The following FHIT variants were observed in gnomAD, a reference collection of about 807,000 sequenced individuals.
FHIT encodes fragile histidine triad diadenosine triphosphatase.
Under a neutral mutation model 17.9 loss-of-function variants are expected in FHIT, and 19 were observed. That is an observed-to-expected ratio of 1.06 (90% CI 0.74 to 1.56). The LOEUF (loss-of-function observed/expected upper bound fraction) is 1.56, where lower values mean the gene tolerates loss of function less well. FHIT is among the 40% of genes most tolerant of loss of function. The pLI is 0.00. For missense variants in FHIT, 248 were observed against 189.2 expected (o/e 1.31, Z -1.82); for synonymous variants, 81 against 69.7 (o/e 1.16, Z -0.81).
At chr3:61,037,407 T>C (rs2033311030) in intron 3 of FHIT, among the ~76,000 whole-genome samples, 1 of 152,182 alleles carries the variant, frequency 6.6e-6, no homozygotes, top group Non-Finnish European at 1.5e-5. Context: ...GCCTGGCACA[T>C]ATACCACTGG....
intron 5 of FHIT, among the ~76,000 whole-genome samples, chr3:60,356,476 T>A (rs1030018028): frequency 1.3e-5 from 2 of 152,162 alleles, no homozygotes; most frequent in Non-Finnish European, 2.9e-5. Flanking sequence ...TTTTCTTATA[T>A]GATAACCACA....
At chr3:60,212,133 G>A (rs1703480260) in intron 5 of FHIT, among the ~76,000 whole-genome samples, 1 of 152,120 alleles carries the variant, frequency 6.6e-6, no homozygotes, top group Non-Finnish European at 1.5e-5. Flanking sequence ...TCACTTGGCA[G>A]AAAACACTTC....
intron 5 of FHIT, among the ~76,000 whole-genome samples, chr3:60,042,758 A>G (rs1369451314): frequency 2.0e-5 from 3 of 152,164 alleles, no homozygotes; most frequent in Non-Finnish European, 4.4e-5. Context: ...AATTCAACCC[A>G]TAACAGAGAT....
intron 4 of FHIT, among the ~76,000 whole-genome samples, chr3:60,646,340 T>A (rs117645854): frequency 1.3e-5 from 2 of 152,170 alleles, no homozygotes; most frequent in Non-Finnish European, 2.9e-5. Flanking sequence ...TGGTATTAAA[T>A]CTGGTTAATT....
At chr3:60,842,611 A>G (rs1575588774) in intron 3 of FHIT, among the ~76,000 whole-genome samples, 1 of 129,806 alleles carries the variant, frequency 7.7e-6, no homozygotes, top group African/African-American at 3.1e-5. Flanking sequence ...GTATATATAT[A>G]TACATATATA....
At chr3:60,647,872 G>A (rs2039898071) in intron 4 of FHIT, among the ~76,000 whole-genome samples, 1 of 152,182 alleles carries the variant, frequency 6.6e-6, no homozygotes, top group African/African-American at 2.4e-5. Flanking sequence ...CATACACCAA[G>A]AAAGCAATTT....
intron 5 of FHIT, among the ~76,000 whole-genome samples, chr3:60,073,181 G>T (rs544716648): frequency 6.6e-6 from 1 of 152,208 alleles, no homozygotes; most frequent in South Asian, 2.1e-4. Flanking sequence ...GGTAAATATT[G>T]TGCCCCCATA....
chr3:60,147,739 T>G (rs939352583), intron 5 of FHIT, among the ~76,000 whole-genome samples: 6 of 152,170 alleles, frequency 3.9e-5, no homozygotes, highest in Admixed American at 1.3e-4. Context: ...TCCCGGAGCT[T>G]CTCTTTATCG....
At chr3:60,650,571 C>G (rs1553688041) in intron 4 of FHIT, among the ~76,000 whole-genome samples, 1 of 152,132 alleles carries the variant, frequency 6.6e-6, no homozygotes. Context: ...ATGTGACATA[C>G]AGAGAGAAAA....
intron 5 of FHIT, among the ~76,000 whole-genome samples, chr3:60,454,229 T>C (rs1225126073): frequency 6.6e-6 from 1 of 152,034 alleles, no homozygotes; most frequent in Non-Finnish European, 1.5e-5. Flanking sequence ...TCCAAATAAT[T>C]AAAATTCTGA....
At chr3:60,288,566 AGTGTGT>A (rs139336094) in intron 5 of FHIT, among the ~76,000 whole-genome samples, 10,564 of 144,544 alleles carry the variant, frequency 0.073, 425 homozygotes, top group Admixed American at 0.11. Flanking sequence ...GTTCTGGCAC[AGTGTGT>A]GTGTGTGTGT....
chr3:60,229,111 G>A lies in FHIT; in HGVS notation c.104-214959C>T, dbSNP rs535147664. Among the ~76,000 whole-genome samples the A allele has an allele frequency of 4.9e-4, 75 of 152,236 alleles. 1 individual carries two copies. Among genetic ancestry groups the A allele is most frequent in the African/African-American group, 1.7e-3 (72 of 41,548 alleles). On this transcript the variant is annotated intron_variant, in intron 5 of 9. Coordinates refer to ENST00000492590, the MANE Select transcript of FHIT (RefSeq NM_002012.4). The stretch of plus-strand genomic sequence containing the variant: ...ACTATGTTGCAGAAACTCAGGGACA[G>A]TGCCCTCAAGAAAGTCATTACCTGG...
At position 61,127,378 on chromosome 3, in the gene FHIT, G is replaced by T. The variant is rs550669491; in HGVS notation, c.-164+73239C>A. ...CAGGAGGAATTTTATATAAAAGATC[G>T]ATACAGGTGAGATAAGATCTCCAAT... On this transcript the variant is annotated intron_variant, in intron 2 of 9. Transcript: ENST00000492590. Among the ~76,000 whole-genome samples, 32 of 152,258 alleles carry T rather than the reference G, an allele frequency of 2.1e-4. No individual in the cohort carries two copies. In the South Asian group the frequency reaches 4.3e-3, roughly 21 times the overall value.
At chr3:60,406,906 A>G (rs1235530102) in intron 5 of FHIT, among the ~76,000 whole-genome samples, 2 of 152,110 alleles carry the variant, frequency 1.3e-5, no homozygotes, top group East Asian at 1.9e-4. Context: ...AAGACTGAAA[A>G]GAACTGAAAA....
intron 5 of FHIT, among the ~76,000 whole-genome samples, chr3:60,114,532 G>A (rs1488930415): frequency 1.9e-5 from 2 of 102,854 alleles, no homozygotes; most frequent in African/African-American, 8.1e-5. Flanking sequence ...GTCTCAGTCT[G>A]TTTCCCAGGC....
Position 60,082,074 on chromosome 3 carries a change from G to A in FHIT, c.104-67922C>T, listed in dbSNP as rs575599885. Among the ~76,000 whole-genome samples, 5 of 151,872 alleles carry A rather than the reference G, an allele frequency of 3.3e-5. No individual in the cohort carries two copies. In the East Asian group the frequency reaches 9.7e-4, roughly 29 times the overall value. ...GGGGTATGATTAATACCATCACCCA[G>A]GTAGTGAGCATAGTACCCAATAGCT... is the stretch of plus-strand genomic sequence containing the variant. On this transcript the variant is annotated intron_variant, in intron 5 of 9. Transcript: ENST00000492590.
chr3:61,222,273 G>T (rs1256712172), intron 1 of FHIT, among the ~76,000 whole-genome samples: 3 of 152,182 alleles, frequency 2.0e-5, no homozygotes. Context: ...TTAAATGAGG[G>T]TCCCTGACCA....
At chr3:61,043,203 C>G (rs1372016338) in intron 2 of FHIT, among the ~76,000 whole-genome samples, 1 of 152,136 alleles carries the variant, frequency 6.6e-6, no homozygotes, top group Non-Finnish European at 1.5e-5. Context: ...CGTTTCCTAG[C>G]CAAGGGAAGC....
At chr3:60,903,730 T>C (rs1244627440) in intron 3 of FHIT, among the ~76,000 whole-genome samples, 2 of 152,210 alleles carry the variant, frequency 1.3e-5, no homozygotes, top group African/African-American at 4.8e-5. Context: ...ACACATTTAA[T>C]TCAGCTATTT....
Sources: gnomAD v4.1 joint callset for allele counts (sites outside exome capture counted in the v4.1 genomes callset) on GRCh38, gnomAD v4.1.1 for gene constraint, MANE v1.5 for transcripts, NCBI Gene and HGNC (gene_info 2026-07-23, HGNC 2026-07-21) for gene names.